The following GRID2 variants were observed in gnomAD, a reference collection of about 807,000 sequenced individuals.
GRID2 encodes the protein glutamate receptor ionotropic, delta-2.
A neutral mutation model predicts 114.8 loss-of-function variants in GRID2; 33 were observed. That is an observed-to-expected ratio of 0.29 (90% confidence interval 0.22 to 0.38). The LOEUF is 0.38. Ranked by LOEUF, GRID2 falls within the 10% of genes least tolerant of loss-of-function variation. The pLI, the probability that GRID2 is intolerant of heterozygous loss-of-function variation, is 1.00. For synonymous variants in GRID2, 505 were observed against 449.9 expected (o/e 1.12, Z -1.55); for missense variants, 1,184 against 1,257.7 (o/e 0.94, Z 0.89).
intron 1 of GRID2, among the ~76,000 whole-genome samples, chr4:93,782,225 T>C: frequency 6.6e-6 from 1 of 152,184 alleles, no homozygotes. Context: ...CTTCTAGTGA[T>C]TTAGACTCAC....
chr4:93,007,751 A>C (rs1234455637), intron 2 of GRID2, among the ~76,000 whole-genome samples: 1 of 152,072 alleles, frequency 6.6e-6, no homozygotes. Flanking sequence ...GGATAAAGAA[A>C]ATAAAATGAC....
At chr4:93,389,157 G>T (rs1764609705) in intron 8 of GRID2, among the ~76,000 whole-genome samples, 1 of 152,064 alleles carries the variant, frequency 6.6e-6, no homozygotes, top group African/African-American at 2.4e-5. Context: ...ACCTTAAGTG[G>T]TTAATTATTT....
intron 2 of GRID2, among the ~76,000 whole-genome samples, chr4:93,057,449 C>G (rs1727366836): frequency 6.6e-6 from 1 of 151,738 alleles, no homozygotes; most frequent in Non-Finnish European, 1.5e-5. Context: ...TGTTCATTCC[C>G]TGATGGTCAC....
intron 3 of GRID2, among the ~76,000 whole-genome samples, chr4:93,106,096 C>T (rs371008612): frequency 6.6e-6 from 1 of 152,112 alleles, no homozygotes. Context: ...ATGTAATTAT[C>T]TGGTCAGTAG....
chr4:92,763,220 C>T (rs1388826668), intron 2 of GRID2, among the ~76,000 whole-genome samples: 3 of 152,064 alleles, frequency 2.0e-5, no homozygotes, highest in Non-Finnish European at 4.4e-5. Flanking sequence ...TATAAATTAA[C>T]TTCTAGGCTT....
chr4:92,494,066 A>T (rs1723274062), intron 1 of GRID2, among the ~76,000 whole-genome samples: 1 of 152,138 alleles, frequency 6.6e-6, no homozygotes, highest in African/African-American at 2.4e-5. Flanking sequence ...ACTGTGCTAT[A>T]TTCATTATGG....
chr4:92,424,395 A>G (rs1348612349), intron 1 of GRID2, among the ~76,000 whole-genome samples: 1 of 152,046 alleles, frequency 6.6e-6, no homozygotes, highest in Non-Finnish European at 1.5e-5. Flanking sequence ...CTGTGATCGT[A>G]GTTGATATGA....
At chr4:92,699,362 A>G (rs1393313149) in intron 2 of GRID2, among the ~76,000 whole-genome samples, 2 of 152,178 alleles carry the variant, frequency 1.3e-5, no homozygotes, top group East Asian at 1.9e-4. Flanking sequence ...TAAAAGCTCA[A>G]TTTTGAGGAC....
At chr4:93,577,040 A>G (rs373477263) in intron 13 of GRID2, among the ~76,000 whole-genome samples, 88 of 152,340 alleles carry the variant, frequency 5.8e-4, no homozygotes, top group African/African-American at 2.0e-3. Context: ...AAAATTATAC[A>G]AATCAAAAAA....
intron 14 of GRID2, among the ~76,000 whole-genome samples, chr4:93,706,017 C>T (rs1446185306): frequency 1.3e-5 from 2 of 152,190 alleles, no homozygotes; most frequent in Admixed American, 6.5e-5. Flanking sequence ...CCTGGGTTCT[C>T]TATTCTGTAC....
At chr4:92,855,016 T>C (rs886990850) in intron 2 of GRID2, among the ~76,000 whole-genome samples, 1 of 152,074 alleles carries the variant, frequency 6.6e-6, no homozygotes, top group Middle Eastern at 3.2e-3. Flanking sequence ...TTTTATTCAA[T>C]AAAAGTTCTG....
intron 4 of GRID2, among the ~76,000 whole-genome samples, chr4:93,155,578 A>G (rs1737100507): frequency 6.6e-6 from 1 of 151,998 alleles, no homozygotes; most frequent in Admixed American, 6.6e-5. Flanking sequence ...ATTATTTGGC[A>G]ACAGTTTATC....
chr4:92,969,336 A>G (rs1753352279), intron 2 of GRID2, among the ~76,000 whole-genome samples: 2 of 151,922 alleles, frequency 1.3e-5, no homozygotes, highest in African/African-American at 4.8e-5. Flanking sequence ...ATGTTGTATA[A>G]CTGCCTTATT....
intron 8 of GRID2, among the ~76,000 whole-genome samples, chr4:93,368,708 T>C (rs913876783): frequency 6.6e-5 from 10 of 152,136 alleles, no homozygotes; most frequent in African/African-American, 2.4e-4. Flanking sequence ...CAGCATGGGG[T>C]AAATTAGATT....
chr4:93,052,423 C>A (rs1283774895), intron 2 of GRID2, among the ~76,000 whole-genome samples: 1 of 151,878 alleles, frequency 6.6e-6, no homozygotes, highest in Non-Finnish European at 1.5e-5. Flanking sequence ...TCTATTTACA[C>A]AAACCTACGT....
intron 14 of GRID2, among the ~76,000 whole-genome samples, chr4:93,684,868 T>C (rs1392514244): frequency 6.6e-6 from 1 of 152,034 alleles, no homozygotes; most frequent in East Asian, 1.9e-4. Context: ...GACTAAAGTT[T>C]GGTCAAGCAA....
Position 92,636,873 on chromosome 4 carries a change from TG to T in GRID2, c.244+46588del, listed in dbSNP as rs768353546. Among the ~76,000 whole-genome samples, 19 of 152,108 alleles carry T rather than the reference TG, an allele frequency of 1.2e-4. No individual in the cohort carries two copies. In the East Asian group the frequency reaches 1.6e-3, roughly 12 times the overall value. ...TCTGCTTTCTTATCACTTCTTAGAT[TG>T]TTTTTTTTAATTTTATTTGTAAGAG... is the stretch of plus-strand genomic sequence containing the variant. On this transcript the variant is annotated intron_variant, in intron 2 of 15. Transcript: ENST00000282020.
At chr4:93,594,343 G>T (rs1738782769) in intron 13 of GRID2, among the ~76,000 whole-genome samples, 1 of 152,112 alleles carries the variant, frequency 6.6e-6, no homozygotes, top group Admixed American at 6.5e-5. Context: ...CCTGCTGGAG[G>T]GTGCCTCCCA....
intron 2 of GRID2, among the ~76,000 whole-genome samples, chr4:92,709,346 A>T (rs1388054297): frequency 1.3e-5 from 2 of 151,984 alleles, no homozygotes; most frequent in African/African-American, 4.8e-5. Context: ...TCTGCCTGCC[A>T]CTGTGCTTTA....
Sources: gnomAD v4.1 joint callset for allele counts (sites outside exome capture counted in the v4.1 genomes callset) on GRCh38, gnomAD v4.1.1 for gene constraint, MANE v1.5 for transcripts, NCBI Gene and HGNC (gene_info 2026-07-23, HGNC 2026-07-21) for gene names.